The following CLVS1 variants were observed in gnomAD, a reference collection of about 807,000 sequenced individuals.
CLVS1 encodes clavesin 1.
A neutral mutation model predicts 33.1 loss-of-function variants in CLVS1; 10 were observed. The observed-to-expected ratio is 0.30, with a 90% confidence interval of 0.19 to 0.51. CLVS1 has a LOEUF of 0.51. CLVS1 is among the 20% of genes least tolerant of loss of function. CLVS1 has a pLI of 0.97. For missense variants in CLVS1, 343 were observed against 433.4 expected (o/e 0.79, Z 1.85); for synonymous variants, 163 against 166.1 (o/e 0.98, Z 0.14).
Position 61,300,204 on chromosome 8 carries a change from T to TC in CLVS1, c.381dup (p.Gly128ArgfsTer25). ...ATTAAGAGGGCTCTGATCGATGGGT[T>TC]CCCCGGGGTGCTGGAAAACCGAGAC... On this transcript the variant is annotated frameshift_variant, in exon 2 of 6. Transcript: ENST00000325897. LOFTEE classifies it high-confidence loss of function. 6.2e-7 allele frequency: 1 copy of TC among 1,614,004 alleles called. No individual in the cohort carries two copies. Among genetic ancestry groups the TC allele is most frequent in the Non-Finnish European group, 8.5e-7 (1 of 1,179,948 alleles).
chr8:61,479,676 C>T (rs1011726139), intron 5 of CLVS1, among the ~76,000 whole-genome samples: 5 of 152,252 alleles, frequency 3.3e-5, no homozygotes, highest in Non-Finnish European at 5.9e-5. Context: ...TTAGAGTTTC[C>T]GGTTTTTCTG....
chr8:61,397,622 A>G (rs12675558), intron 3 of CLVS1, among the ~76,000 whole-genome samples: 85,920 of 151,982 alleles, frequency 0.57, 28,497 homozygotes, highest in Non-Finnish European at 0.73. Flanking sequence ...ATTGACGCCT[A>G]TGTTTTTTCT....
At chr8:61,026,878 C>G in the CLVS1 span, among the ~76,000 whole-genome samples, 1 of 152,060 alleles carries the variant, frequency 6.6e-6, no homozygotes, top group East Asian at 1.9e-4. Context: ...TCTATGCCAC[C>G]CAGACAGAAG....
At chr8:61,121,125 G>A (rs1274368337) in intron 1 of CLVS1, among the ~76,000 whole-genome samples, 1 of 151,876 alleles carries the variant, frequency 6.6e-6, no homozygotes, top group Non-Finnish European at 1.5e-5. Flanking sequence ...GGGTGGGAGT[G>A]ACCCGATTTT....
At chr8:61,158,034 T>C (rs1040761734) in intron 2 of CLVS1, among the ~76,000 whole-genome samples, 4 of 152,340 alleles carry the variant, frequency 2.6e-5, no homozygotes, top group South Asian at 2.1e-4. Flanking sequence ...AGCAGCCTTA[T>C]TATACACAGT....
intron 3 of CLVS1, among the ~76,000 whole-genome samples, chr8:61,385,345 A>C (rs182334899): frequency 1.5e-4 from 23 of 152,272 alleles, no homozygotes; most frequent in African/African-American, 3.9e-4. Context: ...TACACTATGT[A>C]ATATATTAGC....
chr8:61,159,698 C>T (rs1039149060), intron 2 of CLVS1, among the ~76,000 whole-genome samples: 3 of 152,154 alleles, frequency 2.0e-5, no homozygotes, highest in Non-Finnish European at 2.9e-5. Context: ...AAGTCATGGA[C>T]CTAAATCAGT....
the CLVS1 span, among the ~76,000 whole-genome samples, chr8:61,023,490 A>G: frequency 6.6e-6 from 1 of 152,278 alleles, no homozygotes; most frequent in Non-Finnish European, 1.5e-5. Flanking sequence ...ATTCAAATTT[A>G]GTAAGTTAAA....
At chr8:61,368,050 T>A (rs1345454818) in intron 2 of CLVS1, among the ~76,000 whole-genome samples, 2 of 152,242 alleles carry the variant, frequency 1.3e-5, no homozygotes, top group Admixed American at 1.3e-4. Flanking sequence ...TTCTCTTCAA[T>A]TCTTGAGAGA....
intron 2 of CLVS1, among the ~76,000 whole-genome samples, chr8:61,162,443 A>G (rs1276687814): frequency 6.6e-6 from 1 of 152,232 alleles, no homozygotes; most frequent in Non-Finnish European, 1.5e-5. Context: ...CTCCTTTGGA[A>G]TCTGCAGTTG....
chr8:61,205,384 C>T (rs1454437041), intron 2 of CLVS1, among the ~76,000 whole-genome samples: 1 of 152,216 alleles, frequency 6.6e-6, no homozygotes, highest in East Asian at 1.9e-4. Flanking sequence ...AGTATTTGTC[C>T]TTTCGTGTTG....
chr8:61,385,057 C>T (rs191435634), intron 3 of CLVS1, among the ~76,000 whole-genome samples: 1 of 152,162 alleles, frequency 6.6e-6, no homozygotes, highest in East Asian at 1.9e-4. Context: ...GTCCACAAAC[C>T]ACAGGTGGTG....
chr8:61,369,176 A>G lies in CLVS1; in HGVS notation c.456-7429A>G, dbSNP rs1236460791. 7.2e-5 allele frequency among the ~76,000 whole-genome samples: 11 copies of G among 152,202 alleles called. No individual in the cohort carries two copies. In the East Asian group the frequency reaches 2.1e-3, roughly 29 times the overall value. ...GTGACCAATTTTGCTGAGAAAAGTG[A>G]TTGTCTAATTTAAGTTTCCAGCCAA... On this transcript the variant is annotated intron_variant, in intron 2 of 5. Transcript: ENST00000325897.
chr8:61,251,022 G>T (rs758928852), intron 2 of CLVS1, among the ~76,000 whole-genome samples: 3 of 152,116 alleles, frequency 2.0e-5, no homozygotes, highest in African/African-American at 7.2e-5. Flanking sequence ...TCCAGTTTTT[G>T]CCCATTCAGT....
chr8:61,238,274 C>T (rs1808609631), intron 2 of CLVS1, among the ~76,000 whole-genome samples: 1 of 152,042 alleles, frequency 6.6e-6, no homozygotes, highest in Non-Finnish European at 1.5e-5. Context: ...CTCTAGCCTT[C>T]CTTCTGTCCA....
chr8:61,445,319 T>C (rs1816713376), intron 3 of CLVS1, among the ~76,000 whole-genome samples: 1 of 152,204 alleles, frequency 6.6e-6, no homozygotes, highest in Non-Finnish European at 1.5e-5. Context: ...ATTTGTCCAC[T>C]CCAAATTGAT....
At chr8:60,968,327 C>T in the CLVS1 span, among the ~76,000 whole-genome samples, 1 of 151,888 alleles carries the variant, frequency 6.6e-6, no homozygotes. Context: ...ACCAGCCTGA[C>T]CAACATGGTG....
chr8:61,026,092 A>G, the CLVS1 span, among the ~76,000 whole-genome samples: 4 of 149,346 alleles, frequency 2.7e-5, 1 homozygote, highest in South Asian at 8.6e-4. Context: ...CCTCAGAATG[A>G]GACTGTGTTT....
chr8:60,973,902 G>A, the CLVS1 span, among the ~76,000 whole-genome samples: 1 of 152,140 alleles, frequency 6.6e-6, no homozygotes, highest in Non-Finnish European at 1.5e-5. Flanking sequence ...GCCCTCTCCT[G>A]TCCTGTTCAT....
Sources: allele counts gnomAD v4.1 joint callset (sites outside exome capture counted in the v4.1 genomes callset), GRCh38; gene constraint gnomAD v4.1.1; transcripts MANE v1.5; gene names NCBI Gene and HGNC (gene_info 2026-07-23, HGNC 2026-07-21).